GDPD3: variants seen among roughly 807,000 people sequenced by gnomAD.
GDPD3 encodes the protein lysophospholipase D GDPD3.
Under a neutral mutation model 43.7 loss-of-function variants are expected in GDPD3, and 40 were observed. The ratio of observed to expected loss-of-function variants is 0.91; its 90% CI spans 0.71 to 1.19. The LOEUF is 1.19. GDPD3 is among the 50% of genes most tolerant of loss of function. The pLI is 0.00. For missense variants in GDPD3, 363 were observed against 415.8 expected, an observed-to-expected ratio of 0.87 and a Z score of 1.11; for synonymous variants, 145 against 162.9, an observed-to-expected ratio of 0.89 and a Z score of 0.84.
In GDPD3 at chr16:30,113,109, G is replaced by T; in HGVS notation, c.140-45C>A. 2 of 1,558,470 alleles carry T rather than the reference G, an allele frequency of 1.3e-6. No individual in the cohort carries two copies. Among genetic ancestry groups the T allele is most frequent in the Non-Finnish European group, 1.8e-6 (2 of 1,133,228 alleles). On this transcript the variant is annotated intron_variant, in intron 1 of 9. Transcript: ENST00000406256. This position sits in a 1 kb window ranked among gnomAD's most constrained non-coding sequence, Gnocchi z 5.9. The stretch of plus-strand genomic sequence containing the variant: ...GGGCCTCTGGGGCTTGGGGTCTAGG[G>T]GCCTGGCCCAACCTCATCACCCACA...
intron 6 of GDPD3, chr16:30,111,868 G>A (rs1307971760): frequency 1.4e-5 from 8 of 558,392 alleles, no homozygotes; most frequent in Non-Finnish European, 2.2e-5. Context: ...AGGAGGCAGA[G>A]GTTGCAGTGA....
At chr16:30,108,350 C>T (rs1442241998) in intron 8 of GDPD3, 23 bp downstream of exon 8, 2 of 1,613,814 alleles carry the variant, frequency 1.2e-6, no homozygotes, top group East Asian at 2.2e-5. Flanking sequence ...GGACACGCCA[C>T]CCAGCCATCT....
Position 30,113,515 on chromosome 16 carries a change from T to A in GDPD3, c.-37A>T. ...CACAGAAGCTCCTGCAGCCACACGC[T>A]CAGCCGTCCGCGGGACTGTGCTGCC... is the stretch of plus-strand genomic sequence containing the variant. On this transcript the variant is annotated 5_prime_UTR_variant, in exon 1 of 10. Coordinates refer to ENST00000406256, the MANE Select transcript of GDPD3 (RefSeq NM_024307.3). The surrounding 1 kb of genome is among the most constrained non-coding windows in gnomAD (Gnocchi z 5.9). 1 of 1,507,994 alleles carries A rather than the reference T, an allele frequency of 6.6e-7. No individual in the cohort carries two copies. The highest frequency in any genetic ancestry group is 2.0e-5 in the Admixed American group (1 of 50,072). 93.4% of individuals were successfully genotyped at this position (1,507,994 alleles called of 1,614,324 possible).
chr16:30,113,138 CCT>C lies in GDPD3; in HGVS notation c.140-76_140-75del. 6 of 1,430,186 alleles carry C rather than the reference CCT, an allele frequency of 4.2e-6. No homozygotes were observed. Among genetic ancestry groups the C allele is most frequent in the Non-Finnish European group, 5.8e-6 (6 of 1,029,844 alleles). The allele number at this position is 1,430,186 out of a possible 1,614,324, so 88.6% of individuals were successfully genotyped here. ...TGGCCCAACCTCATCACCCACATTC[CCT>C]CTCTGGGCTCCATCCTCCCTCTGGC... On this transcript the variant is annotated intron_variant, in intron 1 of 9. Coordinates refer to ENST00000406256, the MANE Select transcript of GDPD3 (RefSeq NM_024307.3). This position sits in a 1 kb window ranked among gnomAD's most constrained non-coding sequence, Gnocchi z 5.9.
At chr16:30,108,285 TG>T in intron 8 of GDPD3, 21 bp from the exon 9 acceptor site, 1 of 1,612,462 alleles carries the variant, frequency 6.2e-7, no homozygotes, top group South Asian at 1.1e-5. Flanking sequence ...GGTGGGGACG[TG>T]GGAGGTGATG....
chr16:30,105,979 C>T lies in GDPD3; in HGVS notation c.820-970G>A, dbSNP rs140266962. On this transcript the variant is annotated intron_variant, in intron 9 of 9. Coordinates refer to ENST00000406256, the MANE Select transcript of GDPD3 (RefSeq NM_024307.3). ...CAGAAAAATTAGCTGGGCGTGGTGG[C>T]GGGCGACTGTAATCCCAGCTACTCA... is the stretch of plus-strand genomic sequence containing the variant. Among the ~76,000 whole-genome samples, 39 of 151,690 alleles carry T rather than the reference C, an allele frequency of 2.6e-4. No homozygotes were observed. The East Asian group carries it at 4.2e-3, about 16-fold the overall frequency.
At chr16:30,109,367 G>C (rs1306722778) in intron 7 of GDPD3, among the ~76,000 whole-genome samples, 3 of 152,164 alleles carry the variant, frequency 2.0e-5, no homozygotes, top group Admixed American at 6.6e-5. Flanking sequence ...AAAATTAGCC[G>C]GGCGTGGTGG....
Position 30,113,273 on chromosome 16 carries a change from T to G in GDPD3, c.139+67A>C. On this transcript the variant is annotated intron_variant, in intron 1 of 9. Transcript: ENST00000406256. The surrounding 1 kb of genome is among the most constrained non-coding windows in gnomAD (Gnocchi z 5.9). ...CTTGGTCCCTGCCCCGTTTCTAGCA[T>G]GCCCCCTTGGACCTACCCCTCTGTG... The G allele has an allele frequency of 6.6e-7, 1 of 1,526,036 alleles. No homozygotes were observed. Among genetic ancestry groups the G allele is most frequent in the East Asian group, 2.3e-5 (1 of 44,114 alleles). The allele number at this position is 1,526,036 out of a possible 1,614,324, so 94.5% of individuals were successfully genotyped here. A position where few individuals can be genotyped will look rare whatever the true frequency, so the allele number is the denominator to read the frequency against.
At position 30,111,355 on chromosome 16, in the gene GDPD3, G is replaced by C. The variant is rs765474131; in HGVS notation, c.707+33C>G. 3.7e-6 allele frequency: 6 copies of C among 1,610,768 alleles called. No individual in the cohort carries two copies. The Middle Eastern group carries it at 5.0e-4, about 133-fold the overall frequency. On this transcript the variant is annotated intron_variant, in intron 7 of 9. Transcript: ENST00000406256. ...TCTCCACGGAGACCCTAAGCAGTGG[G>C]GAGTTTTTCTGAGGTCCGCCCCCCA... is the stretch of plus-strand genomic sequence containing the variant.
chr16:30,112,331 C>T lies in GDPD3; in HGVS notation c.458G>A (p.Gly153Glu). The T allele has an allele frequency of 6.2e-7, 1 of 1,614,214 alleles. No homozygotes were observed. The highest frequency in any genetic ancestry group is 8.5e-7 in the Non-Finnish European group (1 of 1,180,044). ...PRTPMSVEIKGKNEELIREIA... is the reference protein window; with the variant it reads ...PRTPMSVEIKEKNEELIREIA... ...CTCACGGATGAGCTCTTCGTTCTTC[C>T]CTTTGATCTCTACGCTCATGGGTGT... The change falls in exon 5 of 10, where the codon GGG (glycine) becomes GAG (glutamate). Residue 153 changes from glycine (G) to glutamate (E), a missense_variant. By Grantham distance (98) the Gly-to-Glu change is moderately conservative. Coordinates refer to ENST00000406256, the MANE Select transcript of GDPD3 (RefSeq NM_024307.3). This position sits in a 1 kb window ranked among gnomAD's most constrained non-coding sequence, Gnocchi z 5.4.
In GDPD3 at chr16:30,113,309, T is replaced by C. The variant is rs1335547677; in HGVS notation, c.139+31A>G. Reference sequence around the variant, plus strand: ...ACCTACCCCTCTGTGCTGTCCACTTTGGCACCTGTTCTCACCCCTACCCGG... The same window carrying C: ...ACCTACCCCTCTGTGCTGTCCACTTCGGCACCTGTTCTCACCCCTACCCGG... On this transcript the variant is annotated intron_variant, in intron 1 of 9. Transcript: ENST00000406256. This position sits in a 1 kb window ranked among gnomAD's most constrained non-coding sequence, Gnocchi z 5.9. The C allele has an allele frequency of 1.3e-6, 2 of 1,566,908 alleles. No homozygotes were observed. The highest frequency in any genetic ancestry group is 1.8e-5 in the Admixed American group (1 of 54,844).
chr16:30,109,081 T>C (rs567517512), intron 7 of GDPD3, among the ~76,000 whole-genome samples: 210 of 152,168 alleles, frequency 1.4e-3, no homozygotes, highest in African/African-American at 3.0e-3. Flanking sequence ...CCGCCCGCCT[T>C]GGCCTCCCAA....
In GDPD3 at chr16:30,113,326, C is replaced by G; in HGVS notation, c.139+14G>C. On this transcript the variant is annotated intron_variant, in intron 1 of 9. Transcript: ENST00000406256. The surrounding 1 kb of genome is among the most constrained non-coding windows in gnomAD (Gnocchi z 5.9). ...GTCCACTTTGGCACCTGTTCTCACC[C>G]CTACCCGGCTCACCTCCTCGGTGGG... 1.3e-6 allele frequency: 2 copies of G among 1,586,768 alleles called. No homozygotes were observed. The highest frequency in any genetic ancestry group is 8.6e-7 in the Non-Finnish European group (1 of 1,164,750).
In GDPD3 at chr16:30,105,024, AG is replaced by A; in HGVS notation, c.820-16del. On this transcript the variant is annotated splice_polypyrimidine_tract_variant and intron_variant, in intron 9 of 9. Coordinates refer to ENST00000406256, the MANE Select transcript of GDPD3 (RefSeq NM_024307.3). The stretch of plus-strand genomic sequence containing the variant: ...CAAAAGACCACCTGAGCAGGGAGGG[AG>A]GGGGCCTGTAGATTCTGAACAATTT... 6.3e-7 allele frequency: 1 copy of A among 1,590,686 alleles called. No individual in the cohort carries two copies.
rs562081623 is a variant in GDPD3 at position 30,106,781 on chromosome 16, A to G, written c.819+1432T>C. Among the ~76,000 whole-genome samples the G allele has an allele frequency of 2.2e-4, 33 of 150,550 alleles. 1 individual carries two copies. In the East Asian group the frequency reaches 3.8e-3, roughly 18 times the overall value. Reference sequence around the variant, plus strand: ...GAGTGCAGTGGCGTGATCTCGGCTCACTATAGCCTCCAGCTCCTGGGTTCA... The same window carrying G: ...GAGTGCAGTGGCGTGATCTCGGCTCGCTATAGCCTCCAGCTCCTGGGTTCA... On this transcript the variant is annotated intron_variant, in intron 9 of 9. Transcript: ENST00000406256.
chr16:30,113,289 C>A lies in GDPD3; in HGVS notation c.139+51G>T. The stretch of plus-strand genomic sequence containing the variant: ...TTTCTAGCATGCCCCCTTGGACCTA[C>A]CCCTCTGTGCTGTCCACTTTGGCAC... On this transcript the variant is annotated intron_variant, in intron 1 of 9. Transcript: ENST00000406256. This position sits in a 1 kb window ranked among gnomAD's most constrained non-coding sequence, Gnocchi z 5.9. The A allele has an allele frequency of 6.5e-7, 1 of 1,544,590 alleles. No individual in the cohort carries two copies.
intron 9 of GDPD3, among the ~76,000 whole-genome samples, chr16:30,105,750 G>A (rs1052457058): frequency 1.3e-5 from 2 of 149,190 alleles, no homozygotes; most frequent in African/African-American, 2.4e-5. Context: ...TGATCCACCC[G>A]CCTCGGCCTC....
In GDPD3 at chr16:30,112,478, G is replaced by A. The variant is rs760941351; in HGVS notation, c.364+45C>T. 6.2e-7 allele frequency: 1 copy of A among 1,613,994 alleles called. No homozygotes were observed. The highest frequency in any genetic ancestry group is 1.1e-5 in the South Asian group (1 of 91,082). On this transcript the variant is annotated intron_variant, in intron 4 of 9. Transcript: ENST00000406256. This position sits in a 1 kb window ranked among gnomAD's most constrained non-coding sequence, Gnocchi z 5.4. ...AGGGAAGCCAAGGCGGAGGTCCAAG[G>A]AAGGCAGGCATGGCCCAGGCAGGGC...
chr16:30,108,336 A>T, intron 8 of GDPD3, 37 bp downstream of exon 8: 1 of 1,613,318 alleles, frequency 6.2e-7, no homozygotes, highest in Non-Finnish European at 8.5e-7. Flanking sequence ...GTAGGTCTCT[A>T]TGGGGACACG....
Sources: gnomAD v4.1 joint callset for allele counts (sites outside exome capture counted in the v4.1 genomes callset) on GRCh38, gnomAD v4.1.1 for gene constraint, Gnocchi (gnomAD v3.1) non-coding constraint, MANE v1.5 for transcripts, NCBI Gene and HGNC (gene_info 2026-07-23, HGNC 2026-07-21) for gene names.